Variants in OLAH observed in about 807,000 individuals in gnomAD.
The protein encoded by OLAH is oleoyl-ACP hydrolase.
OLAH carries 33 observed loss-of-function variants against 27.8 expected under a neutral mutation model. That is an observed-to-expected ratio of 1.19 (90% CI 0.90 to 1.59). The LOEUF is 1.59. Among genes scored for constraint, OLAH ranks in the 40% most tolerant of loss-of-function variants. OLAH has a pLI of 0.00. For missense variants in OLAH, 359 were observed against 310.8 expected (o/e 1.16, Z -1.17); for synonymous variants, 120 against 102.9 (o/e 1.17, Z -1.01).
chr10:15,034,742 C>G (rs1040977359), intron 1 of OLAH, among the ~76,000 whole-genome samples: 4 of 152,052 alleles, frequency 2.6e-5, no homozygotes, highest in African/African-American at 7.2e-5. Flanking sequence ...GTATCTTCAA[C>G]AGCCCATAAA....
In OLAH at chr10:15,068,912, T is replaced by C. The variant is rs78577729; in HGVS notation, c.573-2883T>C. Among the ~76,000 whole-genome samples the C allele has an allele frequency of 3.1e-3, 472 of 152,222 alleles. 2 individuals are homozygous for C. The highest frequency in any genetic ancestry group is 0.011 in the African/African-American group (456 of 41,534). On this transcript the variant is annotated intron_variant, in intron 6 of 7. Coordinates refer to ENST00000378228, the MANE Select transcript of OLAH (RefSeq NM_001039702.3). ...AGCTCTCAAATCCTCTGGTATATAA[T>C]CCTCTGCTATGTGTCTGGTGTGGGA...
intron 1 of OLAH, among the ~76,000 whole-genome samples, chr10:15,036,385 C>G (rs565928232): frequency 5.3e-5 from 8 of 152,064 alleles, no homozygotes; most frequent in African/African-American, 1.9e-4. Context: ...GTAATCCCAG[C>G]GATTTGGGAA....
intron 3 of OLAH, among the ~76,000 whole-genome samples, chr10:15,050,374 G>A (rs575356232): frequency 1.9e-4 from 29 of 151,808 alleles, no homozygotes; most frequent in Middle Eastern, 3.4e-3. Context: ...TTCAGGTGAC[G>A]CTTGTGCCTC....
At chr10:15,049,537 T>C in intron 2 of OLAH, 98 bp from the exon 3 acceptor site, 1 of 835,364 alleles carries the variant, frequency 1.2e-6, no homozygotes, top group East Asian at 3.0e-5. Context: ...CATATGTTTC[T>C]TATAATTAAT....
At chr10:15,064,269 TAATC>T in intron 4 of OLAH, 130 bp from the exon 5 acceptor site, 2 of 616,672 alleles carry the variant, frequency 3.2e-6, no homozygotes, top group South Asian at 4.0e-5. Flanking sequence ...ATAGACTTCT[TAATC>T]AACTCACACT....
chr10:15,056,916 CACCG>C (rs1844257224), intron 3 of OLAH: 1 of 1,529,930 alleles, frequency 6.5e-7, no homozygotes, highest in African/African-American at 1.4e-5. Flanking sequence ...TGGCGTGAGC[CACCG>C]TAGGCGTGAG....
chr10:15,070,521 G>C (rs890203571), intron 6 of OLAH, among the ~76,000 whole-genome samples: 9 of 152,152 alleles, frequency 5.9e-5, no homozygotes, highest in Non-Finnish European at 1.3e-4. Context: ...TTTCGCTCTT[G>C]TTGACCAGGC....
chr10:15,038,594 T>A (rs944359902), intron 1 of OLAH: 13 of 152,214 alleles, frequency 8.5e-5, no homozygotes, highest in African/African-American at 3.1e-4. Context: ...GTGCAAACTC[T>A]CTCTTTGCCT....
At chr10:15,065,822 T>C (rs1249037775) in intron 6 of OLAH, 69 bp downstream of exon 6, 1 of 1,414,390 alleles carries the variant, frequency 7.1e-7, no homozygotes. Flanking sequence ...AGATTGGCAG[T>C]GCTCTGAGGT....
upstream of OLAH, among the ~76,000 whole-genome samples, chr10:15,042,875 T>TTTTTTTGTG: frequency 7.0e-6 from 1 of 143,070 alleles, no homozygotes; most frequent in South Asian, 2.3e-4. Context: ...TTTTTTTTTT[T>TTTTTTTGTG]GAGATGGAGG....
At chr10:15,060,086 A>T (rs1844333354) in intron 3 of OLAH, among the ~76,000 whole-genome samples, 1 of 151,352 alleles carries the variant, frequency 6.6e-6, no homozygotes, top group African/African-American at 2.4e-5. Context: ...CTCCAATTAC[A>T]CCTATGTTAG....
Position 15,073,098 on chromosome 10 carries a change from G to A in OLAH, c.667G>A (p.Val223Ile), listed in dbSNP as rs1331956600. ...TTGTTTATTTTCAGCCTGGAAAGATGTAACCAGTGGAAATGCTAAAATTTA... is the reference window on the plus strand; with the variant it reads ...TTGTTTATTTTCAGCCTGGAAAGATATAACCAGTGGAAATGCTAAAATTTA... ...IAKDMEAWKD[V>I]TSGNAKIYQL... The change falls in exon 8 of 8, where the codon GTA becomes ATA. Residue 223 changes from valine (V) to isoleucine (I), a missense_variant. Transcript: ENST00000378228. The A allele has an allele frequency of 6.2e-7, 1 of 1,613,042 alleles. No homozygotes were observed.
rs764718263 is a variant in OLAH at position 15,065,757 on chromosome 10, A to G, written c.572+4A>G. On this transcript the variant is annotated splice_donor_region_variant and intron_variant, in intron 6 of 7. Coordinates refer to ENST00000378228, the MANE Select transcript of OLAH (RefSeq NM_001039702.3). ...TGAACATTGTTAGAAGTTGCACGTA[A>G]GTAACAGAAACAAGGTTTTTTCTTT... is the stretch of plus-strand genomic sequence containing the variant. 1 of 1,586,800 alleles carries G rather than the reference A, an allele frequency of 6.3e-7. No individual in the cohort carries two copies. The highest frequency in any genetic ancestry group is 1.2e-5 in the South Asian group (1 of 86,230).
intron 1 of OLAH, among the ~76,000 whole-genome samples, chr10:15,034,104 T>TGG (rs1564523140): frequency 1.5e-4 from 14 of 93,462 alleles, no homozygotes; most frequent in African/African-American, 6.4e-4. Flanking sequence ...ACTCCACCAT[T>TGG]TTTTTTTTTT....
At chr10:15,064,274 A>G in intron 4 of OLAH, 129 bp from the exon 5 acceptor site, 1 of 621,744 alleles carries the variant, frequency 1.6e-6, no homozygotes, top group Non-Finnish European at 2.8e-6. Context: ...CTTCTTAATC[A>G]ACTCACACTT....
Position 15,073,095 on chromosome 10 carries a change from G to C in OLAH, c.664G>C (p.Asp222His). 4 of 1,613,060 alleles carry C rather than the reference G, an allele frequency of 2.5e-6. No homozygotes were observed. Among genetic ancestry groups the C allele is most frequent in the Non-Finnish European group, 3.4e-6 (4 of 1,179,700 alleles). The part of the protein sequence containing the change: ...DIAKDMEAWK[D>H]VTSGNAKIYQ... The stretch of plus-strand genomic sequence containing the variant: ...ATCTTGTTTATTTTCAGCCTGGAAA[G>C]ATGTAACCAGTGGAAATGCTAAAAT... Residue 222 changes from aspartate (D) to histidine (H), a missense_variant, in exon 8 of 8, where the codon GAT becomes CAT. Physicochemically the swap from Asp to His is moderately conservative, Grantham distance 81. Coordinates refer to ENST00000378228, the MANE Select transcript of OLAH (RefSeq NM_001039702.3).
chr10:15,065,659 G>T lies in OLAH; in HGVS notation c.478G>T (p.Gly160Ter), dbSNP rs1456578234. The change falls in exon 6 of 8, where the codon GGA (glycine) becomes TGA (stop). Residue 160 changes from glycine (G) to a stop codon, truncating the protein, a stop_gained. Transcript: ENST00000378228. LOFTEE classifies it high-confidence loss of function. ...AATAAGTCATTACCTTATGGAATTT[G>T]GAGGCACCCCCAAGCATTTTGCTGA... ...EQISHYLMEF[G>*]GTPKHFAEAK... is the part of the protein sequence containing the mutation. 1 of 1,613,996 alleles carries T rather than the reference G, an allele frequency of 6.2e-7. No homozygotes were observed. Among genetic ancestry groups the T allele is most frequent in the African/African-American group, 1.3e-5 (1 of 74,922 alleles).
intron 5 of OLAH, among the ~76,000 whole-genome samples, chr10:15,065,303 C>A (rs1844445724): frequency 6.6e-6 from 1 of 152,194 alleles, no homozygotes; most frequent in Non-Finnish European, 1.5e-5. Flanking sequence ...TTCCTCCTAC[C>A]TCTTTGGTCT....
intron 1 of OLAH, among the ~76,000 whole-genome samples, chr10:15,044,774 T>C (rs1480252712): frequency 6.6e-6 from 1 of 152,216 alleles, no homozygotes; most frequent in African/African-American, 2.4e-5. Flanking sequence ...TTCTCTTCCA[T>C]GTTTTTGCAT....
Sources: gnomAD v4.1 joint callset for allele counts (sites outside exome capture counted in the v4.1 genomes callset) on GRCh38, gnomAD v4.1.1 for gene constraint, MANE v1.5 for transcripts, NCBI Gene and HGNC (gene_info 2026-07-23, HGNC 2026-07-21) for gene names.